L3MBTL4: variants seen among roughly 807,000 people sequenced by gnomAD.
The protein encoded by L3MBTL4 is L3MBTL histone methyl-lysine binding protein 4.
Under a neutral mutation model 84.5 loss-of-function variants are expected in L3MBTL4, and 70 were observed. The observed-to-expected ratio is 0.83, with a 90% CI of 0.68 to 1.01. The LOEUF is 1.01. Ranked by LOEUF, L3MBTL4 falls within the 50% of genes least tolerant of loss-of-function variation. L3MBTL4 has a pLI of 0.00. For synonymous variants in L3MBTL4, 274 were observed against 259.8 expected (o/e 1.05, Z -0.52); for missense variants, 715 against 754.8 (o/e 0.95, Z 0.62).
At chr18:6,159,169 G>A (rs779703922) in intron 13 of L3MBTL4, among the ~76,000 whole-genome samples, 9 of 152,190 alleles carry the variant, frequency 5.9e-5, no homozygotes, top group Non-Finnish European at 1.2e-4. Flanking sequence ...CAAAACAGAG[G>A]ATACCATCCC....
intron 18 of L3MBTL4, among the ~76,000 whole-genome samples, chr18:5,957,801 T>C (rs1277007794): frequency 3.3e-5 from 5 of 151,470 alleles, no homozygotes; most frequent in Admixed American, 2.6e-4. Context: ...CTGCTCCATC[T>C]CTACTGAAAA....
intron 3 of L3MBTL4, among the ~76,000 whole-genome samples, chr18:6,306,729 C>T (rs2050602146): frequency 6.6e-6 from 1 of 152,186 alleles, no homozygotes; most frequent in South Asian, 2.1e-4. Flanking sequence ...ACCCCAGTCA[C>T]CCTGCAATCT....
intron 1 of L3MBTL4, among the ~76,000 whole-genome samples, chr18:6,320,566 A>G (rs985137767): frequency 1.3e-5 from 2 of 152,120 alleles, no homozygotes; most frequent in African/African-American, 4.8e-5. Flanking sequence ...TATGAAGAGA[A>G]CTAAAAAACA....
chr18:6,149,946 G>A (rs949890079), intron 13 of L3MBTL4, among the ~76,000 whole-genome samples: 16 of 152,034 alleles, frequency 1.1e-4, no homozygotes, highest in South Asian at 6.2e-4. Flanking sequence ...GGATGATAAC[G>A]TGTATACTCC....
intron 16 of L3MBTL4, among the ~76,000 whole-genome samples, chr18:5,991,107 T>C (rs534845727): frequency 6.6e-6 from 1 of 152,222 alleles, no homozygotes; most frequent in South Asian, 2.1e-4. Flanking sequence ...CCTCTTCTCT[T>C]TGCTTGGCTG....
At chr18:6,077,755 G>A (rs899247854) in intron 16 of L3MBTL4, among the ~76,000 whole-genome samples, 1 of 151,676 alleles carries the variant, frequency 6.6e-6, no homozygotes, top group Non-Finnish European at 1.5e-5. Context: ...TCCTGGCTGG[G>A]CGCAGTGGCT....
intron 16 of L3MBTL4, among the ~76,000 whole-genome samples, chr18:6,044,598 C>A (rs143681608): frequency 6.6e-6 from 1 of 152,030 alleles, no homozygotes; most frequent in Non-Finnish European, 1.5e-5. Flanking sequence ...TATCTACACT[C>A]TCTGCACTGC....
At chr18:6,061,932 C>A (rs180861109) in intron 16 of L3MBTL4, among the ~76,000 whole-genome samples, 1 of 151,762 alleles carries the variant, frequency 6.6e-6, no homozygotes, top group South Asian at 2.1e-4. Context: ...ATGTTATTGC[C>A]GGCATTCATT....
At chr18:6,138,427 T>A in intron 13 of L3MBTL4, 131 bp from the exon 14 acceptor site, 1 of 575,146 alleles carries the variant, frequency 1.7e-6, no homozygotes. Context: ...CACTTACAGG[T>A]GACTTACGAT....
intron 1 of L3MBTL4, among the ~76,000 whole-genome samples, chr18:6,408,728 C>T (rs1297708741): frequency 3.3e-5 from 5 of 151,174 alleles, no homozygotes; most frequent in Non-Finnish European, 7.4e-5. Context: ...GTCACCTAGG[C>T]TAGAGTGCAG....
chr18:6,351,679 G>A (rs1483096224), intron 1 of L3MBTL4, among the ~76,000 whole-genome samples: 1 of 151,828 alleles, frequency 6.6e-6, no homozygotes, highest in Non-Finnish European at 1.5e-5. Context: ...AGCCTCCCGA[G>A]TAGCTGGGAC....
In L3MBTL4 at chr18:5,969,520, A is replaced by G; in HGVS notation, c.1487T>C (p.Val496Ala). Residue 496 changes from valine to alanine, a missense_variant, in exon 17 of 19, where the codon GTG becomes GCG. Transcript: ENST00000317931. ...EQAQQVLHQS[V>A]SMSTVSAHPF... ...GTGGGCTGACACCGTGGACATGGAC[A>G]CTGACTGGTGAAGCACCTGCTGCGC... The G allele has an allele frequency of 6.2e-7, 1 of 1,613,402 alleles. No homozygotes were observed. The highest frequency in any genetic ancestry group is 1.7e-5 in the Admixed American group (1 of 59,936).
At chr18:6,214,438 A>G (rs1448943595) in intron 11 of L3MBTL4, among the ~76,000 whole-genome samples, 3 of 152,252 alleles carry the variant, frequency 2.0e-5, no homozygotes, top group Non-Finnish European at 4.4e-5. Flanking sequence ...GTTGGCAAAA[A>G]GTTTCACTTT....
At chr18:6,263,220 G>C (rs1367887014) in intron 5 of L3MBTL4, among the ~76,000 whole-genome samples, 1 of 142,096 alleles carries the variant, frequency 7.0e-6, no homozygotes, top group African/African-American at 2.6e-5. Context: ...CACGAGCCAA[G>C]ATCATGCCAC....
At chr18:6,223,770 C>T (rs1463412405) in intron 10 of L3MBTL4, among the ~76,000 whole-genome samples, 1 of 152,160 alleles carries the variant, frequency 6.6e-6, no homozygotes, top group Non-Finnish European at 1.5e-5. Context: ...CTCCCATGTA[C>T]AACCATCAGC....
intron 14 of L3MBTL4, 56 bp downstream of exon 14, chr18:6,138,138 A>C: frequency 8.4e-7 from 1 of 1,196,188 alleles, no homozygotes; most frequent in South Asian, 1.3e-5. Context: ...TGTAGCTGCT[A>C]ATCTGCAGAA....
intron 4 of L3MBTL4, among the ~76,000 whole-genome samples, chr18:6,281,119 A>G (rs1170309029): frequency 6.6e-6 from 1 of 152,232 alleles, no homozygotes; most frequent in Non-Finnish European, 1.5e-5. Context: ...AAAAGTTTCC[A>G]AATGCTCAGT....
intron 1 of L3MBTL4, among the ~76,000 whole-genome samples, chr18:6,334,720 T>G (rs1402224672): frequency 6.6e-6 from 1 of 152,188 alleles, no homozygotes; most frequent in Non-Finnish European, 1.5e-5. Context: ...CAAATCTACC[T>G]TCTAGTTTAT....
intron 16 of L3MBTL4, among the ~76,000 whole-genome samples, chr18:6,016,341 A>G (rs1002291716): frequency 1.3e-5 from 2 of 152,204 alleles, no homozygotes; most frequent in Non-Finnish European, 2.9e-5. Context: ...GTCACTCCTT[A>G]GGCACCATTT....
Sources: allele counts gnomAD v4.1 joint callset (sites outside exome capture counted in the v4.1 genomes callset), GRCh38; gene constraint gnomAD v4.1.1; transcripts MANE v1.5; gene names NCBI Gene and HGNC (gene_info 2026-07-23, HGNC 2026-07-21).